AGAP1: variants seen among roughly 807,000 people sequenced by gnomAD.
The protein encoded by AGAP1 is arf-GAP with GTPase, ANK repeat and PH domain-containing protein 1.
Under a neutral mutation model 105.3 loss-of-function variants are expected in AGAP1, and 29 were observed. That is an observed-to-expected ratio of 0.28 (90% CI 0.21 to 0.38). AGAP1 has a LOEUF of 0.38. AGAP1 is among the 10% of genes least tolerant of loss of function. The probability of loss-of-function intolerance (pLI) is 1.00; values close to 1 mark genes in which losing one functional copy is unlikely to be tolerated. For missense variants in AGAP1, 998 were observed against 1,165.1 expected, an observed-to-expected ratio of 0.86 and a Z score of 2.09; for synonymous variants, 509 against 485.9, an observed-to-expected ratio of 1.05 and a Z score of -0.63.
rs1559409494 is a variant in AGAP1, at chr2:235,732,852, G to C, written c.311-8111G>C. Among the ~76,000 whole-genome samples the C allele has an allele frequency of 6.6e-6, 1 of 152,198 alleles. No homozygotes were observed. Among genetic ancestry groups the C allele is most frequent in the Non-Finnish European group, 1.5e-5 (1 of 68,028 alleles). On this transcript the variant is annotated intron_variant, in intron 3 of 17. Transcript: ENST00000304032. The surrounding 1 kb of genome is among the most constrained non-coding windows in gnomAD (Gnocchi z 4.8). ...CTCTCATCCTGAGTGTCCTGGACGA[G>C]ATGGGCCAGACCATTCTACCCACAC...
chr2:235,562,580 C>T (rs1574851668), intron 1 of AGAP1, among the ~76,000 whole-genome samples: 1 of 152,258 alleles, frequency 6.6e-6, no homozygotes, highest in Non-Finnish European at 1.5e-5. Flanking sequence ...GCCTGGCAGA[C>T]TCAGGACTAT....
Position 235,686,654 on chromosome 2 carries a change from T to G in AGAP1, c.164-22525T>G, listed in dbSNP as rs1402374252. 3.3e-3 allele frequency among the ~76,000 whole-genome samples: 208 copies of G among 63,306 alleles called. 6 individuals are homozygous for G. The highest frequency in any genetic ancestry group is 4.6e-3 in the Non-Finnish European group (173 of 37,502). 41.5% of individuals were successfully genotyped at this position (63,306 alleles called of 152,430 possible). A position where few individuals can be genotyped will look rare whatever the true frequency, so the allele number is the denominator to read the frequency against. On this transcript the variant is annotated intron_variant, in intron 1 of 17. Transcript: ENST00000304032. ...ATATATATATATATATAGATATATA[T>G]ATATATATATATTTTTTTTTTTTTT... is the stretch of plus-strand genomic sequence containing the variant.
At chr2:236,066,248 GAC>G (rs2058342074) in intron 16 of AGAP1, among the ~76,000 whole-genome samples, 1 of 152,100 alleles carries the variant, frequency 6.6e-6, no homozygotes, top group African/African-American at 2.4e-5. Context: ...TGTTTTTTGA[GAC>G]AGAGTCTCAC....
rs2050666895 is a variant in AGAP1 at position 235,893,721 on chromosome 2, GC to G, written c.1155+10275del. ...AGGAGGGCTGTGTTCCCCACAGTCT[GC>G]CCAGGGGCTGTCATGTGAGTGGCAC... On this transcript the variant is annotated intron_variant, in intron 10 of 17. Coordinates refer to ENST00000304032, the MANE Select transcript of AGAP1 (RefSeq NM_001037131.3). This position sits in a 1 kb window ranked among gnomAD's most constrained non-coding sequence, Gnocchi z 4.7. Among the ~76,000 whole-genome samples the G allele has an allele frequency of 1.3e-5, 2 of 152,284 alleles. No individual in the cohort carries two copies. The highest frequency in any genetic ancestry group is 3.9e-4 in the East Asian group (2 of 5,176).
chr2:235,513,522 G>GAAAA (rs5839595), intron 1 of AGAP1, among the ~76,000 whole-genome samples: 85 of 73,154 alleles, frequency 1.2e-3, no homozygotes, highest in African/African-American at 1.8e-3. Flanking sequence ...CTCCGTCTCA[G>GAAAA]AAAAAAAAAA....
Position 235,686,659 on chromosome 2 carries a change from A to G in AGAP1, c.164-22520A>G, listed in dbSNP as rs1478106993. Among the ~76,000 whole-genome samples the G allele has an allele frequency of 6.6e-3, 278 of 42,268 alleles. 8 individuals carry two copies. Among genetic ancestry groups the G allele is most frequent in the Non-Finnish European group, 9.5e-3 (234 of 24,612 alleles). The allele number at this position is 42,268 out of a possible 152,430, so 27.7% of individuals were successfully genotyped here. On this transcript the variant is annotated intron_variant, in intron 1 of 17. Coordinates refer to ENST00000304032, the MANE Select transcript of AGAP1 (RefSeq NM_001037131.3). ...TATATATATATAGATATATATATAT[A>G]TATATATTTTTTTTTTTTTTTAGAC...
rs2050100587 is a variant in AGAP1 at position 235,882,870 on chromosome 2, TG to T, written c.1051-473del. On this transcript the variant is annotated intron_variant, in intron 9 of 17. Transcript: ENST00000304032. The surrounding 1 kb of genome is among the most constrained non-coding windows in gnomAD (Gnocchi z 4.6). ...CTTTGTCACCCAGGCTGGAGTACGG[TG>T]GTACAATCATAGCTCACTGCCACCT... 6.6e-6 allele frequency among the ~76,000 whole-genome samples: 1 copy of T among 151,936 alleles called. No individual in the cohort carries two copies. Among genetic ancestry groups the T allele is most frequent in the African/African-American group, 2.4e-5 (1 of 41,362 alleles).
Position 235,615,227 on chromosome 2 carries a change from C to T in AGAP1, c.164-93952C>T, listed in dbSNP as rs935265105. Among the ~76,000 whole-genome samples the T allele has an allele frequency of 6.6e-6, 1 of 152,176 alleles. No individual in the cohort carries two copies. Among genetic ancestry groups the T allele is most frequent in the East Asian group, 1.9e-4 (1 of 5,176 alleles). ...CACGGTCCAGGGACGTCCCCACCCT[C>T]GGTTGGGTTGTCCAGGGTCACATGG... On this transcript the variant is annotated intron_variant, in intron 1 of 17. Transcript: ENST00000304032. This position sits in a 1 kb window ranked among gnomAD's most constrained non-coding sequence, Gnocchi z 5.0.
At chr2:235,831,222 G>C (rs1308768451) in intron 9 of AGAP1, among the ~76,000 whole-genome samples, 1 of 148,946 alleles carries the variant, frequency 6.7e-6, no homozygotes, top group Non-Finnish European at 1.5e-5. Context: ...TTCTTTTTTA[G>C]AGCAGTTTTA....
At chr2:235,878,736 G>A (rs1048155332) in intron 9 of AGAP1, among the ~76,000 whole-genome samples, 1 of 152,204 alleles carries the variant, frequency 6.6e-6, no homozygotes, top group Non-Finnish European at 1.5e-5. Flanking sequence ...GGAGTGAAGC[G>A]GAGCCCCTGT....
At chr2:235,991,454 A>G (rs954150279) in intron 13 of AGAP1, among the ~76,000 whole-genome samples, 6 of 152,204 alleles carry the variant, frequency 3.9e-5, no homozygotes, top group Non-Finnish European at 8.8e-5. Context: ...TAACAGTTTC[A>G]AGGCAGTTTC....
chr2:236,012,977 C>G lies in AGAP1; in HGVS notation c.1646-23584C>G, dbSNP rs2056569843. Among the ~76,000 whole-genome samples the G allele has an allele frequency of 6.6e-6, 1 of 151,850 alleles. No individual in the cohort carries two copies. The highest frequency in any genetic ancestry group is 1.5e-5 in the Non-Finnish European group (1 of 67,998). ...GGCCAGGCTGGTTTCGAACTTCTGTCCTCAAGTGATCCGCCCACCTCAGCC... is the reference window on the plus strand; with the variant it reads ...GGCCAGGCTGGTTTCGAACTTCTGTGCTCAAGTGATCCGCCCACCTCAGCC... On this transcript the variant is annotated intron_variant, in intron 13 of 17. Coordinates refer to ENST00000304032, the MANE Select transcript of AGAP1 (RefSeq NM_001037131.3). This position sits in a 1 kb window ranked among gnomAD's most constrained non-coding sequence, Gnocchi z 4.9.
chr2:235,996,095 G>A (rs370639929), intron 13 of AGAP1, among the ~76,000 whole-genome samples: 42 of 152,356 alleles, frequency 2.8e-4, no homozygotes, highest in African/African-American at 9.9e-4. Flanking sequence ...CACACAAATA[G>A]CAGTGCCAGT....
Position 235,904,631 on chromosome 2 carries a change from C to T in AGAP1, c.1156-4107C>T, listed in dbSNP as rs2051216027. ...CATTTGCATATCAAAATCAAGCTTC[C>T]TGTCTTAATTTTACCGAGGTCCCTA... is the stretch of plus-strand genomic sequence containing the variant. On this transcript the variant is annotated intron_variant, in intron 10 of 17. Transcript: ENST00000304032. The surrounding 1 kb of genome is among the most constrained non-coding windows in gnomAD (Gnocchi z 4.2). 6.6e-6 allele frequency among the ~76,000 whole-genome samples: 1 copy of T among 152,132 alleles called. No homozygotes were observed. Among genetic ancestry groups the T allele is most frequent in the African/African-American group, 2.4e-5 (1 of 41,422 alleles).
At chr2:235,834,324 TCAGA>T (rs1959852356) in intron 9 of AGAP1, among the ~76,000 whole-genome samples, 1 of 152,178 alleles carries the variant, frequency 6.6e-6, no homozygotes, top group Non-Finnish European at 1.5e-5. Flanking sequence ...CACACCAGTG[TCAGA>T]CAGAACATGG....
At chr2:235,826,413 C>T (rs1959066190) in intron 9 of AGAP1, among the ~76,000 whole-genome samples, 1 of 152,134 alleles carries the variant, frequency 6.6e-6, no homozygotes, top group Non-Finnish European at 1.5e-5. Context: ...GTCTCCGTTG[C>T]TCCGTTTCAC....
chr2:235,809,668 G>A (rs939209168), intron 9 of AGAP1, among the ~76,000 whole-genome samples: 5 of 152,222 alleles, frequency 3.3e-5, no homozygotes, highest in Middle Eastern at 3.4e-3. Flanking sequence ...GTTTGCAGAC[G>A]GTTGTATCGA....
chr2:235,671,293 G>C (rs1337396407), intron 1 of AGAP1, among the ~76,000 whole-genome samples: 2 of 152,194 alleles, frequency 1.3e-5, no homozygotes, highest in Non-Finnish European at 2.9e-5. Context: ...CTTCATCAAG[G>C]AGAGCTTGAC....
Position 235,763,361 on chromosome 2 carries a change from G to A in AGAP1, c.673+12873G>A, listed in dbSNP as rs368151383. The stretch of plus-strand genomic sequence containing the variant: ...CATTTTGGACAAGAGATCCGCGACC[G>A]TGAAACTTTTCCCACCCTGTGGTTA... On this transcript the variant is annotated intron_variant, in intron 6 of 17. Coordinates refer to ENST00000304032, the MANE Select transcript of AGAP1 (RefSeq NM_001037131.3). Among the ~76,000 whole-genome samples the A allele has an allele frequency of 3.3e-5, 5 of 151,910 alleles. No homozygotes were observed. In the South Asian group the frequency reaches 6.2e-4, roughly 19 times the overall value.
Sources: allele counts gnomAD v4.1 joint callset (sites outside exome capture counted in the v4.1 genomes callset), GRCh38; gene constraint gnomAD v4.1.1; non-coding constraint Gnocchi (gnomAD v3.1); transcripts MANE v1.5; gene names NCBI Gene and HGNC (gene_info 2026-07-23, HGNC 2026-07-21).